The following AUTS2 variants were observed in gnomAD, a reference collection of about 807,000 sequenced individuals.
The protein encoded by AUTS2 is activator of transcription and developmental regulator AUTS2.
Under a neutral mutation model 112.4 loss-of-function variants are expected in AUTS2, and 17 were observed. That is an observed-to-expected ratio of 0.15 (90% CI 0.10 to 0.23). The LOEUF (loss-of-function observed/expected upper bound fraction) is 0.23, where lower values mean the gene tolerates loss of function less well. AUTS2 is among the 10% of genes least tolerant of loss of function. The pLI is 1.00. For missense variants in AUTS2, 1,510 were observed against 1,701.6 expected (o/e 0.89, Z 1.98); for synonymous variants, 751 against 702.7 (o/e 1.07, Z -1.09).
chr7:70,239,589 C>G (rs1812501143), intron 4 of AUTS2, among the ~76,000 whole-genome samples: 1 of 152,160 alleles, frequency 6.6e-6, no homozygotes, highest in Admixed American at 6.5e-5. Context: ...GCACCCACCA[C>G]CATGCCTGGC....
chr7:70,297,262 G>T (rs1788985036), intron 4 of AUTS2, among the ~76,000 whole-genome samples: 2 of 151,710 alleles, frequency 1.3e-5, no homozygotes, highest in African/African-American at 4.8e-5. Context: ...ACTACTCTGT[G>T]GTCAAATGTA....
chr7:70,386,735 C>G (rs1793626291), intron 4 of AUTS2, among the ~76,000 whole-genome samples: 1 of 152,060 alleles, frequency 6.6e-6, no homozygotes, highest in Non-Finnish European at 1.5e-5. Context: ...TAACTTTTAC[C>G]TACATTACCC....
At chr7:70,148,124 C>G (rs144174429) in intron 4 of AUTS2, among the ~76,000 whole-genome samples, 1 of 151,922 alleles carries the variant, frequency 6.6e-6, no homozygotes, top group Non-Finnish European at 1.5e-5. Flanking sequence ...ATAGGACATT[C>G]CAGACAAGAT....
intron 1 of AUTS2, among the ~76,000 whole-genome samples, chr7:69,619,297 C>A (rs917712825): frequency 3.3e-5 from 5 of 152,066 alleles, no homozygotes; most frequent in Middle Eastern, 3.2e-3. Flanking sequence ...AGGAGTGAGG[C>A]ATTAGAGAGG....
intron 4 of AUTS2, among the ~76,000 whole-genome samples, chr7:70,332,689 C>A (rs1790812096): frequency 6.6e-6 from 1 of 152,102 alleles, no homozygotes; most frequent in Non-Finnish European, 1.5e-5. Context: ...CTTTGACAAA[C>A]CTGACAAAAA....
In AUTS2 at chr7:69,810,871, T is replaced by C. The variant is rs564938125; in HGVS notation, c.310-88415T>C. On this transcript the variant is annotated intron_variant, in intron 1 of 18. Transcript: ENST00000342771. ...AAAGACTAGAAAACATAACGTGAAATAAAATGACAATATTATACCCCTAAT... is the reference window on the plus strand; with the variant it reads ...AAAGACTAGAAAACATAACGTGAAACAAAATGACAATATTATACCCCTAAT... Among the ~76,000 whole-genome samples the C allele has an allele frequency of 8.5e-5, 13 of 152,314 alleles. No individual in the cohort carries two copies. In the South Asian group the frequency reaches 2.7e-3, roughly 32 times the overall value.
intron 4 of AUTS2, among the ~76,000 whole-genome samples, chr7:70,269,115 ATC>A (rs899236302): frequency 3.9e-5 from 6 of 152,062 alleles, no homozygotes; most frequent in Non-Finnish European, 4.4e-5. Context: ...TTTGCTTTGA[ATC>A]TCTGTGGCAT....
rs758651004 is a variant in AUTS2 at position 69,603,613 on chromosome 7, A to G, written c.309+3651A>G. Among the ~76,000 whole-genome samples, 37 of 152,204 alleles carry G rather than the reference A, an allele frequency of 2.4e-4. 1 individual carries two copies. Among genetic ancestry groups the G allele is most frequent in the Non-Finnish European group, 4.9e-4 (33 of 68,034 alleles). ...TGCCCTGAAGTTCAAGTGTATGATT[A>G]TGAAGAGCCTCATGATAGAAGATAA... On this transcript the variant is annotated intron_variant, in intron 1 of 18. Coordinates refer to ENST00000342771, the MANE Select transcript of AUTS2 (RefSeq NM_015570.4).
chr7:70,570,192 A>G (rs886751181), intron 5 of AUTS2, among the ~76,000 whole-genome samples: 18 of 152,184 alleles, frequency 1.2e-4, no homozygotes, highest in Admixed American at 1.2e-3. Flanking sequence ...AGAAAGAGGT[A>G]AGTTATGATT....
chr7:69,742,935 C>A (rs888840780), intron 1 of AUTS2, among the ~76,000 whole-genome samples: 2 of 152,110 alleles, frequency 1.3e-5, no homozygotes, highest in African/African-American at 4.8e-5. Context: ...ATTTGCTCTT[C>A]CCCAGATCCA....
chr7:70,414,245 A>G (rs10486877), intron 4 of AUTS2, among the ~76,000 whole-genome samples: 16,827 of 152,212 alleles, frequency 0.11, 1,074 homozygotes, highest in Middle Eastern at 0.19. Flanking sequence ...TCATTGGCCC[A>G]TCATGTAGAG....
At chr7:70,745,160 C>G (rs1034785172) in intron 6 of AUTS2, among the ~76,000 whole-genome samples, 3 of 152,104 alleles carry the variant, frequency 2.0e-5, no homozygotes, top group African/African-American at 7.2e-5. Flanking sequence ...TTGTATTTCA[C>G]TATCATTACG....
At chr7:70,043,704 A>T (rs959491006) in intron 2 of AUTS2, among the ~76,000 whole-genome samples, 2 of 150,502 alleles carry the variant, frequency 1.3e-5, no homozygotes, top group African/African-American at 4.9e-5. Flanking sequence ...CCACCTCCTG[A>T]GTTCAAGCAA....
intron 1 of AUTS2, among the ~76,000 whole-genome samples, chr7:69,872,057 T>C (rs1253205181): frequency 6.6e-6 from 1 of 152,206 alleles, no homozygotes; most frequent in Non-Finnish European, 1.5e-5. Context: ...TTCCACTGTG[T>C]TATCCGACTT....
intron 5 of AUTS2, among the ~76,000 whole-genome samples, chr7:70,683,664 C>T (rs1808317457): frequency 2.0e-5 from 3 of 152,210 alleles, no homozygotes; most frequent in Non-Finnish European, 1.5e-5. Flanking sequence ...AATTCATTTG[C>T]AATACAGATC....
intron 5 of AUTS2, among the ~76,000 whole-genome samples, chr7:70,508,277 G>A (rs1287175696): frequency 7.9e-5 from 12 of 152,096 alleles, no homozygotes; most frequent in South Asian, 2.1e-4. Flanking sequence ...AAAGGAGGGG[G>A]GTAGGGAGAG....
intron 5 of AUTS2, among the ~76,000 whole-genome samples, chr7:70,525,230 C>T (rs911030616): frequency 6.6e-6 from 1 of 152,182 alleles, no homozygotes; most frequent in Admixed American, 6.5e-5. Flanking sequence ...TTTCCCCATT[C>T]CATCAGTTGT....
At chr7:70,622,489 T>C (rs763088308) in intron 5 of AUTS2, among the ~76,000 whole-genome samples, 2 of 152,160 alleles carry the variant, frequency 1.3e-5, no homozygotes, top group African/African-American at 4.8e-5. Context: ...TGTCCTGCAC[T>C]CCCGCTAACC....
intron 4 of AUTS2, among the ~76,000 whole-genome samples, chr7:70,288,058 A>T (rs914081628): frequency 1.1e-4 from 16 of 152,136 alleles, no homozygotes; most frequent in Non-Finnish European, 1.8e-4. Context: ...GGCATGGGGG[A>T]AAAAAACTAA....
Sources: allele counts gnomAD v4.1 joint callset (sites outside exome capture counted in the v4.1 genomes callset), GRCh38; gene constraint gnomAD v4.1.1; transcripts MANE v1.5; gene names NCBI Gene and HGNC (gene_info 2026-07-23, HGNC 2026-07-21).